The following GNAQ variants were observed in gnomAD, a reference collection of about 807,000 sequenced individuals.
The protein encoded by GNAQ is guanine nucleotide-binding protein G(q) subunit alpha.
GNAQ carries 8 observed loss-of-function variants against 43.9 expected under a neutral mutation model. That is an observed-to-expected ratio of 0.18 (90% CI 0.11 to 0.33). The LOEUF (loss-of-function observed/expected upper bound fraction) is 0.33. Among genes scored for constraint, GNAQ ranks in the 10% least tolerant of loss-of-function variants. The pLI, the probability that GNAQ is intolerant of heterozygous loss-of-function variation, is 1.00. For synonymous variants in GNAQ, 155 were observed against 170.7 expected (o/e 0.91, Z 0.71); for missense variants, 158 against 450.8 (o/e 0.35, Z 5.88).
At position 77,986,914 on chromosome 9, in the gene GNAQ, A is replaced by T. The variant is rs1052734683; in HGVS notation, c.136+44186T>A. ...TGTTCTCTACTTGTTTGGAAGCTCCATGAGGATAAAGATTTTATTCTTTTA... is the reference window on the plus strand; with the variant it reads ...TGTTCTCTACTTGTTTGGAAGCTCCTTGAGGATAAAGATTTTATTCTTTTA... On this transcript the variant is annotated intron_variant, in intron 1 of 6. Transcript: ENST00000286548. 5.3e-5 allele frequency among the ~76,000 whole-genome samples: 8 copies of T among 149,940 alleles called. No homozygotes were observed. The Admixed American group carries it at 5.4e-4, about 10-fold the overall frequency.
intron 1 of GNAQ, among the ~76,000 whole-genome samples, chr9:77,990,201 G>A (rs1823491269): frequency 6.6e-6 from 1 of 152,150 alleles, no homozygotes; most frequent in African/African-American, 2.4e-5. Flanking sequence ...GATTCTTGTT[G>A]AAAATTGATC....
chr9:77,976,391 T>G (rs968275760), intron 1 of GNAQ, among the ~76,000 whole-genome samples: 3 of 148,080 alleles, frequency 2.0e-5, no homozygotes, highest in Non-Finnish European at 4.6e-5. Flanking sequence ...TTTTTTTTTG[T>G]TTTTGTTTTT....
intron 2 of GNAQ, among the ~76,000 whole-genome samples, chr9:77,856,959 G>A (rs1273990986): frequency 6.6e-6 from 1 of 152,178 alleles, no homozygotes; most frequent in Non-Finnish European, 1.5e-5. Flanking sequence ...AAACCAAGAG[G>A]TGTTAGTGCC....
chr9:78,012,025 T>G (rs527935799), intron 1 of GNAQ, among the ~76,000 whole-genome samples: 9 of 152,230 alleles, frequency 5.9e-5, no homozygotes, highest in Non-Finnish European at 8.8e-5. Context: ...TAAGCTTTCA[T>G]GTTATAGAAA....
chr9:77,765,761 A>T (rs966931210), intron 5 of GNAQ, among the ~76,000 whole-genome samples: 6 of 152,362 alleles, frequency 3.9e-5, no homozygotes, highest in Admixed American at 1.3e-4. Flanking sequence ...TTCTGGGTGT[A>T]TACCCAACAG....
At chr9:77,923,174 A>G (rs1322256217) in intron 1 of GNAQ, among the ~76,000 whole-genome samples, 3 of 152,144 alleles carry the variant, frequency 2.0e-5, no homozygotes, top group Non-Finnish European at 4.4e-5. Flanking sequence ...GTATCCTGAT[A>G]GGACAAGAAG....
At chr9:77,949,253 T>C (rs1015661428) in intron 1 of GNAQ, among the ~76,000 whole-genome samples, 2 of 152,162 alleles carry the variant, frequency 1.3e-5, no homozygotes, top group African/African-American at 4.8e-5. Context: ...CAAAGATAGC[T>C]CAGCCCTGGT....
chr9:77,932,083 T>C (rs1173966685), intron 1 of GNAQ, among the ~76,000 whole-genome samples: 1 of 152,206 alleles, frequency 6.6e-6, no homozygotes, highest in African/African-American at 2.4e-5. Flanking sequence ...AACAGAACTA[T>C]GTTGCACCAT....
intron 1 of GNAQ, among the ~76,000 whole-genome samples, chr9:77,973,251 T>C (rs1823259991): frequency 6.6e-6 from 1 of 152,132 alleles, no homozygotes; most frequent in South Asian, 2.1e-4. Flanking sequence ...CAGCCCCACA[T>C]CTTCAGACAC....
At chr9:77,731,188 T>G (rs1333366310) in intron 5 of GNAQ, among the ~76,000 whole-genome samples, 1 of 152,062 alleles carries the variant, frequency 6.6e-6, no homozygotes, top group African/African-American at 2.4e-5. Flanking sequence ...CTAGACTATG[T>G]GCAGAGACAG....
intron 5 of GNAQ, among the ~76,000 whole-genome samples, chr9:77,775,535 G>A (rs1004766787): frequency 4.6e-5 from 7 of 151,026 alleles, no homozygotes; most frequent in African/African-American, 9.7e-5. Context: ...TCAGCCTCCC[G>A]AGTAGCTGGG....
At chr9:77,855,004 AT>A (rs1217826345) in intron 2 of GNAQ, among the ~76,000 whole-genome samples, 2 of 152,206 alleles carry the variant, frequency 1.3e-5, no homozygotes, top group African/African-American at 4.8e-5. Flanking sequence ...CTCTGCAGAT[AT>A]TTTACTGGTT....
At chr9:77,812,405 C>A (rs1019141382) in intron 3 of GNAQ, among the ~76,000 whole-genome samples, 2 of 152,148 alleles carry the variant, frequency 1.3e-5, no homozygotes, top group African/African-American at 4.8e-5. Flanking sequence ...ATTCTAGTCA[C>A]AACGTTTAAC....
chr9:77,811,374 A>C (rs1032767209), intron 3 of GNAQ, among the ~76,000 whole-genome samples: 3 of 152,066 alleles, frequency 2.0e-5, no homozygotes, highest in Non-Finnish European at 4.4e-5. Flanking sequence ...GATATGAAAA[A>C]AAGGAGGCAA....
Position 77,750,822 on chromosome 9 carries a change from TCTATACAC to T in GNAQ, c.736-22163_736-22156del, listed in dbSNP as rs572196106. ...AGCTCAACTCTGTATCATACTTATT[TCTATACAC>T]TCCCCCAACACCCAAACAACACCTT... is the stretch of plus-strand genomic sequence containing the variant. On this transcript the variant is annotated intron_variant, in intron 5 of 6. Transcript: ENST00000286548. Among the ~76,000 whole-genome samples, 1,242 of 152,288 alleles carry T rather than the reference TCTATACAC, an allele frequency of 8.2e-3. 11 individuals carry two copies. Among genetic ancestry groups the T allele is most frequent in the South Asian group, 0.015 (73 of 4,828 alleles).
In GNAQ at chr9:77,953,687, C is replaced by T. The variant is rs185686656; in HGVS notation, c.137-31342G>A. The stretch of plus-strand genomic sequence containing the variant: ...AAAAACAAAATATGAACAGATACTT[C>T]ATCTGTGACTGCTGTGTTAAGTAAT... On this transcript the variant is annotated intron_variant, in intron 1 of 6. Coordinates refer to ENST00000286548, the MANE Select transcript of GNAQ (RefSeq NM_002072.5). Among the ~76,000 whole-genome samples the T allele has an allele frequency of 4.6e-5, 7 of 152,332 alleles. No homozygotes were observed. In the East Asian group the frequency reaches 1.3e-3, roughly 29 times the overall value.
At chr9:77,807,428 A>G (rs192600043) in intron 3 of GNAQ, among the ~76,000 whole-genome samples, 6 of 152,344 alleles carry the variant, frequency 3.9e-5, no homozygotes, top group African/African-American at 1.4e-4. Context: ...ACCAGACACT[A>G]TGAGTCAAGC....
intron 2 of GNAQ, among the ~76,000 whole-genome samples, chr9:77,877,292 G>A (rs961458376): frequency 2.6e-5 from 4 of 152,056 alleles, no homozygotes; most frequent in African/African-American, 9.7e-5. Context: ...CATTATAAGG[G>A]TATCATTGGT....
chr9:77,937,169 G>A (rs1200213167), intron 1 of GNAQ, among the ~76,000 whole-genome samples: 1 of 152,100 alleles, frequency 6.6e-6, no homozygotes, highest in Non-Finnish European at 1.5e-5. Context: ...CTGGCCAGAC[G>A]TGGTGCCTCA....
Sources: gnomAD v4.1 joint callset for allele counts (sites outside exome capture counted in the v4.1 genomes callset) on GRCh38, gnomAD v4.1.1 for gene constraint, MANE v1.5 for transcripts, NCBI Gene and HGNC (gene_info 2026-07-23, HGNC 2026-07-21) for gene names.